BCOR: variants seen among roughly 807,000 people sequenced by gnomAD.
BCOR encodes the protein BCL6 corepressor.
In BCOR, 10 loss-of-function variants were observed where a neutral mutation model predicts 86.7. The observed-to-expected ratio is 0.12, with a 90% confidence interval of 0.07 to 0.20. The LOEUF (loss-of-function observed/expected upper bound fraction) is 0.20. Among genes scored for constraint, BCOR ranks in the 10% least tolerant of loss-of-function variants. The pLI, the probability that BCOR is intolerant of heterozygous loss-of-function variation, is 1.00. For synonymous variants in BCOR, 611 were observed against 609.0 expected (o/e 1.00, Z -0.05); for missense variants, 1,259 against 1,452.1 (o/e 0.87, Z 2.16).
At chrX:40,054,862 T>C (rs1934515934) in intron 12 of BCOR, among the ~76,000 whole-genome samples, 1 of 112,473 alleles carries the variant, frequency 8.9e-6, no homozygotes, top group African/African-American at 3.2e-5. Context: ...CAAGTGAGTG[T>C]AATTTAAGGT....
intron 1 of BCOR, among the ~76,000 whole-genome samples, chrX:40,132,258 G>A (rs902698191): frequency 4.5e-5 from 5 of 111,929 alleles, no homozygotes; most frequent in Admixed American, 1.9e-4. Flanking sequence ...TATCCCAAGT[G>A]AGAAGTACCC....
At chrX:40,164,300 CA>C (rs1312574139) in intron 1 of BCOR, among the ~76,000 whole-genome samples, 2 of 112,736 alleles carry the variant, frequency 1.8e-5, no homozygotes, top group Non-Finnish European at 3.7e-5. Flanking sequence ...ATTCCAGGAG[CA>C]GAATTAAATT....
At chrX:40,103,528 G>A (rs1259775737) in intron 1 of BCOR, among the ~76,000 whole-genome samples, 6 of 110,512 alleles carry the variant, frequency 5.4e-5, no homozygotes, top group Non-Finnish European at 9.4e-5. Context: ...CACGACCCAA[G>A]GCCAAGCCCA....
chrX:40,058,155 G>T (rs958168447), intron 10 of BCOR, among the ~76,000 whole-genome samples: 3 of 112,440 alleles, frequency 2.7e-5, no homozygotes, highest in African/African-American at 9.7e-5. Flanking sequence ...AATGTGTTCC[G>T]CATCAACAGT....
chrX:40,127,261 T>A (rs768505315), intron 1 of BCOR, among the ~76,000 whole-genome samples: 29 of 112,094 alleles, frequency 2.6e-4, no homozygotes, highest in Non-Finnish European at 4.7e-4. Context: ...AGGAAGCCAG[T>A]CTCACATACT....
chrX:40,078,641 G>A lies in BCOR; in HGVS notation c.-40-672C>T, dbSNP rs536104664. On this transcript the variant is annotated intron_variant, in intron 1 of 14. Transcript: ENST00000378444. Reference sequence around the variant, plus strand: ...TTGCCTGGAAGCTGCAGAGAGAGGCGGCTGAGTAATTCAATGACGCCTGCT... The same window carrying A: ...TTGCCTGGAAGCTGCAGAGAGAGGCAGCTGAGTAATTCAATGACGCCTGCT... Among the ~76,000 whole-genome samples the A allele has an allele frequency of 5.1e-4, 57 of 112,368 alleles. No individual in the cohort carries two copies. In the Middle Eastern group the frequency reaches 0.023, roughly 46 times the overall value.
chrX:40,065,704 G>A (rs1935166287), intron 6 of BCOR, among the ~76,000 whole-genome samples: 1 of 112,202 alleles, frequency 8.9e-6, no homozygotes, highest in Non-Finnish European at 1.9e-5. Flanking sequence ...ACCACTGCGA[G>A]GTTAAGGTGT....
intron 1 of BCOR, among the ~76,000 whole-genome samples, chrX:40,172,403 C>T (rs28709465): frequency 1.8e-5 from 2 of 112,909 alleles, no homozygotes; most frequent in Admixed American, 9.2e-5. Context: ...GCGCGCAGAC[C>T]TTGGGGGGAA....
intron 1 of BCOR, among the ~76,000 whole-genome samples, chrX:40,095,716 C>T (rs927920120): frequency 9.0e-6 from 1 of 111,591 alleles, no homozygotes; most frequent in South Asian, 3.8e-4. Flanking sequence ...AACCCTCCTC[C>T]TTCCTTCTTC....
At chrX:40,090,339 C>A (rs1249006646) in intron 1 of BCOR, among the ~76,000 whole-genome samples, 1 of 113,548 alleles carries the variant, frequency 8.8e-6, no homozygotes, top group Non-Finnish European at 1.9e-5. Flanking sequence ...AGGCCGGCCA[C>A]CCCTGGCTGC....
exon 1 of BCOR, chrX:40,177,060 A>T (rs1198804759): frequency 2.0e-5 from 2 of 100,489 alleles, no homozygotes; most frequent in African/African-American, 7.2e-5. Context: ...GTTCAAACCC[A>T]GCAGCCACGG....
chrX:40,064,204 G>T, intron 7 of BCOR, 132 bp downstream of exon 7: 3 of 985,681 alleles, frequency 3.0e-6, no homozygotes, highest in Non-Finnish European at 4.3e-6. Flanking sequence ...CCACTGCTGC[G>T]CCCCCACGGC....
In BCOR at chrX:40,075,008, C is replaced by T; in HGVS notation, c.338G>A (p.Gly113Glu). The T allele has an allele frequency of 8.3e-7, 1 of 1,208,289 alleles. No individual in the cohort carries two copies. Among genetic ancestry groups the T allele is most frequent in the Non-Finnish European group, 1.1e-6 (1 of 893,665 alleles). ...EAATSTLGGL[G>E]FSSERNPEMQ... ...CTCTGGATTTCTTTCCGAAGAAAACCCAAGGCCACCTAGAGTGCTTGTGGC... is the reference window on the plus strand; with the variant it reads ...CTCTGGATTTCTTTCCGAAGAAAACTCAAGGCCACCTAGAGTGCTTGTGGC... The change falls in exon 4 of 15, where the codon GGG becomes GAG. Residue 113 changes from glycine (G) to glutamate (E), a missense_variant. Gly to Glu is a moderately conservative substitution (Grantham distance 98). Transcript: ENST00000378444.
chrX:40,073,166 G>T lies in BCOR; in HGVS notation c.2180C>A (p.Pro727His), dbSNP rs2147224015. ...TATGGGCGTGTGTGGTATCAACATG[G>T]GATGCACCATGCCCAACCCCAGGGC... is the stretch of plus-strand genomic sequence containing the variant. Reference protein sequence around the residue: ...QDALGLGMVHPMLIPHTPIEI... With the variant: ...QDALGLGMVHHMLIPHTPIEI... The change falls in exon 4 of 15, where the codon CCC becomes CAC. Residue 727 changes from proline to histidine, a missense_variant. Transcript: ENST00000378444. 1 of 1,212,011 alleles carries T rather than the reference G, an allele frequency of 8.3e-7. No homozygotes were observed. Among genetic ancestry groups the T allele is most frequent in the Non-Finnish European group, 1.1e-6 (1 of 895,512 alleles).
chrX:40,070,875 G>A (rs756504580), intron 6 of BCOR, 98 bp downstream of exon 6: 18 of 828,273 alleles, frequency 2.2e-5, no homozygotes, highest in African/African-American at 1.6e-4. Flanking sequence ...AAGGACAATC[G>A]GCCCTTCATT....
At chrX:40,076,403 C>T (rs755247636) in intron 3 of BCOR, 51 bp downstream of exon 3, 1 of 948,310 alleles carries the variant, frequency 1.1e-6, no homozygotes, top group Non-Finnish European at 1.5e-6. Flanking sequence ...CGATTGATTA[C>T]AGATCACTGA....
At chrX:40,055,322 TATC>T (rs1428575979) in intron 12 of BCOR, 43 bp downstream of exon 12, 1 of 1,128,349 alleles carries the variant, frequency 8.9e-7, no homozygotes, top group Admixed American at 2.2e-5. Context: ...TGTATCGAGT[TATC>T]ATCTAATTTT....
intron 1 of BCOR, among the ~76,000 whole-genome samples, chrX:40,081,230 C>T (rs746060718): frequency 9.0e-6 from 1 of 111,668 alleles, no homozygotes; most frequent in African/African-American, 3.3e-5. Context: ...CAGTCCAAAC[C>T]TACAAAAGCA....
At chrX:40,155,234 C>T (rs1602271586) in intron 1 of BCOR, among the ~76,000 whole-genome samples, 1 of 112,818 alleles carries the variant, frequency 8.9e-6, no homozygotes, top group African/African-American at 3.2e-5. Flanking sequence ...CAAGGTCCTC[C>T]GGCTCTCGCA....
Sources: allele counts gnomAD v4.1 joint callset (sites outside exome capture counted in the v4.1 genomes callset), GRCh38; gene constraint gnomAD v4.1.1; transcripts MANE v1.5; gene names NCBI Gene and HGNC (gene_info 2026-07-23, HGNC 2026-07-21).